The following KLF12 variants were observed in gnomAD, a reference collection of about 807,000 sequenced individuals.
KLF12 encodes the protein Krueppel-like factor 12.
KLF12 carries 9 observed loss-of-function variants against 37.8 expected under a neutral mutation model. That is an observed-to-expected ratio of 0.24 (90% CI 0.14 to 0.42). KLF12 has a LOEUF of 0.42. KLF12 is among the 10% of genes least tolerant of loss of function. The probability of loss-of-function intolerance (pLI) is 1.00; values close to 1 mark genes in which losing one functional copy is unlikely to be tolerated. For missense variants in KLF12, 411 were observed against 516.0 expected, an observed-to-expected ratio of 0.80 and a Z score of 1.97; for synonymous variants, 208 against 202.1, an observed-to-expected ratio of 1.03 and a Z score of -0.25.
intron 5 of KLF12, among the ~76,000 whole-genome samples, chr13:73,811,629 C>T (rs1281734288): frequency 6.6e-6 from 1 of 152,156 alleles, no homozygotes; most frequent in African/African-American, 2.4e-5. Context: ...TCAAAACCTT[C>T]TCAATAGTCC....
intron 3 of KLF12, among the ~76,000 whole-genome samples, chr13:73,892,317 A>C (rs1349154026): frequency 2.6e-5 from 4 of 152,134 alleles, no homozygotes; most frequent in African/African-American, 9.7e-5. Context: ...TTTAGGATGA[A>C]TTCTAAACTC....
At chr13:74,013,243 A>C (rs964849327) in intron 1 of KLF12, among the ~76,000 whole-genome samples, 2 of 152,232 alleles carry the variant, frequency 1.3e-5, no homozygotes, top group Non-Finnish European at 2.9e-5. Context: ...CAAGTGTCAG[A>C]GAAAATCACT....
At chr13:74,094,654 C>A (rs1478492250) in intron 1 of KLF12, among the ~76,000 whole-genome samples, 1 of 150,942 alleles carries the variant, frequency 6.6e-6, no homozygotes, top group African/African-American at 2.4e-5. Context: ...GACTGGAGGG[C>A]AGCGGCCCCA....
chr13:73,960,720 T>G lies in KLF12; in HGVS notation c.34-16650A>C, dbSNP rs369854285. Among the ~76,000 whole-genome samples the G allele has an allele frequency of 1.2e-4, 18 of 152,224 alleles. No homozygotes were observed. In the East Asian group the frequency reaches 1.3e-3, roughly 11 times the overall value. ...GTCTAAGTTATATTTGTAACTGATA[T>G]GCTGAATCTGTTATACAGCTTGAAC... On this transcript the variant is annotated intron_variant, in intron 2 of 7. Transcript: ENST00000377669.
intron 6 of KLF12, among the ~76,000 whole-genome samples, chr13:73,732,874 C>T (rs1877175254): frequency 2.0e-5 from 3 of 152,112 alleles, no homozygotes; most frequent in Admixed American, 6.6e-5. Context: ...TTTCCCCAAA[C>T]CCACTCCTTT....
At chr13:73,728,891 T>C (rs1876855784) in intron 6 of KLF12, among the ~76,000 whole-genome samples, 1 of 152,190 alleles carries the variant, frequency 6.6e-6, no homozygotes, top group Non-Finnish European at 1.5e-5. Flanking sequence ...CTGGTTTTGG[T>C]TATTAGGATA....
At chr13:73,830,147 G>A (rs1884074707) in intron 4 of KLF12, among the ~76,000 whole-genome samples, 1 of 152,168 alleles carries the variant, frequency 6.6e-6, no homozygotes, top group Admixed American at 6.5e-5. Context: ...CTTGATTACT[G>A]TAGATTATAC....
At chr13:73,795,009 T>A (rs1233651817) in intron 5 of KLF12, among the ~76,000 whole-genome samples, 1 of 152,234 alleles carries the variant, frequency 6.6e-6, no homozygotes, top group African/African-American at 2.4e-5. Context: ...AGGTTATTAC[T>A]GTTCCACTCT....
In KLF12 at chr13:74,021,308, G is replaced by A. The variant is rs191412677; in HGVS notation, c.-31-26255C>T. Among the ~76,000 whole-genome samples the A allele has an allele frequency of 6.3e-3, 955 of 152,166 alleles. 6 individuals are homozygous for A. The highest frequency in any genetic ancestry group is 0.011 in the Admixed American group (164 of 15,272). ...TTTCTCATCAAGAAAAAAAAAAGAT[G>A]CCTTACTATAATAAATCCTATTTCA... On this transcript the variant is annotated intron_variant, in intron 1 of 7. Coordinates refer to ENST00000377669, the MANE Select transcript of KLF12 (RefSeq NM_007249.5).
At chr13:73,748,633 C>G (rs907908150) in intron 6 of KLF12, among the ~76,000 whole-genome samples, 2 of 152,150 alleles carry the variant, frequency 1.3e-5, no homozygotes, top group East Asian at 3.9e-4. Flanking sequence ...GCCTCCAGAA[C>G]TGTGAGAAAT....
At chr13:74,174,449 C>T in the KLF12 span, among the ~76,000 whole-genome samples, 93 of 151,218 alleles carry the variant, frequency 6.2e-4, no homozygotes, top group East Asian at 0.015. Flanking sequence ...ACGGTGTTAG[C>T]CAGGATGGTC....
the KLF12 span, among the ~76,000 whole-genome samples, chr13:74,160,304 G>A: frequency 2.6e-5 from 4 of 152,264 alleles, no homozygotes; most frequent in South Asian, 4.1e-4. Flanking sequence ...ATACACTAAC[G>A]TTGAATGGCA....
At chr13:73,766,601 C>T (rs1035950360) in intron 5 of KLF12, among the ~76,000 whole-genome samples, 1 of 152,178 alleles carries the variant, frequency 6.6e-6, no homozygotes, top group African/African-American at 2.4e-5. Context: ...CCTATACCCT[C>T]ACTGGGGTAT....
At chr13:73,758,829 T>C (rs1031042594) in intron 6 of KLF12, among the ~76,000 whole-genome samples, 2 of 152,110 alleles carry the variant, frequency 1.3e-5, no homozygotes, top group African/African-American at 2.4e-5. Flanking sequence ...AGCAGGAATA[T>C]AGAAACTACT....
chr13:74,137,841 A>G (rs1216408477), upstream of KLF12, among the ~76,000 whole-genome samples: 2 of 151,938 alleles, frequency 1.3e-5, no homozygotes, highest in Non-Finnish European at 2.9e-5. Context: ...GCTCACTGCA[A>G]CCTCCGCCTC....
rs143584784 is a variant in KLF12 at position 74,123,209 on chromosome 13, T to A, written c.-32+10530A>T. 4.0e-4 allele frequency among the ~76,000 whole-genome samples: 61 copies of A among 152,142 alleles called. No individual in the cohort carries two copies. The East Asian group carries it at 0.011, about 27-fold the overall frequency. On this transcript the variant is annotated intron_variant, in intron 1 of 7. Transcript: ENST00000377669. ...TGTTGGTTGGAAACATAAAATGAAA[T>A]GCGTTTAAAATGTATTATACACATT...
intron 2 of KLF12, among the ~76,000 whole-genome samples, chr13:73,975,072 T>G (rs1026307934): frequency 1.3e-5 from 2 of 152,202 alleles, no homozygotes; most frequent in African/African-American, 4.8e-5. Context: ...TTTTAAAAAC[T>G]ATTATTCCAT....
chr13:73,857,370 T>C (rs1438634400), intron 3 of KLF12, among the ~76,000 whole-genome samples: 1 of 152,182 alleles, frequency 6.6e-6, no homozygotes, highest in Non-Finnish European at 1.5e-5. Flanking sequence ...GAAAATGATG[T>C]TGAAATTGCT....
At chr13:74,139,493 G>T in the KLF12 span, among the ~76,000 whole-genome samples, 2 of 152,120 alleles carry the variant, frequency 1.3e-5, no homozygotes, top group Non-Finnish European at 2.9e-5. Flanking sequence ...ACAAAATTCT[G>T]CAATGTGTCG....
Sources: gnomAD v4.1 joint callset for allele counts (sites outside exome capture counted in the v4.1 genomes callset) on GRCh38, gnomAD v4.1.1 for gene constraint, MANE v1.5 for transcripts, NCBI Gene and HGNC (gene_info 2026-07-23, HGNC 2026-07-21) for gene names.